ZC3H12B: variants seen among roughly 807,000 people sequenced by gnomAD.
The protein encoded by ZC3H12B is probable ribonuclease ZC3H12B.
In ZC3H12B, 7 loss-of-function variants were observed where a neutral mutation model predicts 43.9. The observed-to-expected ratio is 0.16, with a 90% confidence interval of 0.09 to 0.30. The LOEUF (loss-of-function observed/expected upper bound fraction) is 0.30, where lower values mean the gene tolerates loss of function less well. ZC3H12B is among the 10% of genes least tolerant of loss of function. The probability of loss-of-function intolerance (pLI) is 1.00; values close to 1 mark genes in which losing one functional copy is unlikely to be tolerated. For missense variants in ZC3H12B, 475 were observed against 670.2 expected (o/e 0.71, Z 3.22); for synonymous variants, 222 against 241.7 (o/e 0.92, Z 0.76).
chrX:65,222,463 G>A, the ZC3H12B span, among the ~76,000 whole-genome samples: 4 of 110,202 alleles, frequency 3.6e-5, no homozygotes, highest in African/African-American at 1.3e-4. Flanking sequence ...TATCCAAAAA[G>A]CTTCTAAAGC....
At chrX:65,407,621 G>T (rs1344651627) in intron 3 of ZC3H12B, among the ~76,000 whole-genome samples, 1 of 113,597 alleles carries the variant, frequency 8.8e-6, no homozygotes, top group African/African-American at 3.2e-5. Context: ...GGGAAAACCC[G>T]AAGAGGAGGC....
chrX:65,135,046 G>A, the ZC3H12B span, among the ~76,000 whole-genome samples: 2 of 110,906 alleles, frequency 1.8e-5, no homozygotes, highest in East Asian at 2.8e-4. Context: ...CCTGATATGC[G>A]CAGGTCACAG....
At chrX:65,205,815 G>A in the ZC3H12B span, among the ~76,000 whole-genome samples, 2 of 111,865 alleles carry the variant, frequency 1.8e-5, no homozygotes, top group South Asian at 3.7e-4. Context: ...AATGAATTCA[G>A]CAAAGTTTCT....
chrX:65,435,073 G>T (rs962955913), intron 3 of ZC3H12B, among the ~76,000 whole-genome samples: 1 of 111,974 alleles, frequency 8.9e-6, no homozygotes, highest in African/African-American at 3.2e-5. Context: ...AAGGTTGGGG[G>T]TTCATCTTTC....
chrX:65,137,055 T>A, the ZC3H12B span, among the ~76,000 whole-genome samples: 2 of 111,998 alleles, frequency 1.8e-5, no homozygotes, highest in Non-Finnish European at 3.8e-5. Context: ...TAAAACAACT[T>A]TACATTATTT....
chrX:65,338,522 G>T, the ZC3H12B span, among the ~76,000 whole-genome samples: 2 of 111,931 alleles, frequency 1.8e-5, no homozygotes, highest in Non-Finnish European at 3.8e-5. Flanking sequence ...TACAAAGCCA[G>T]AATTACACTG....
At chrX:65,169,992 G>T in the ZC3H12B span, among the ~76,000 whole-genome samples, 1 of 111,817 alleles carries the variant, frequency 8.9e-6, no homozygotes, top group South Asian at 3.7e-4. Flanking sequence ...TATCCAATTT[G>T]CCAGTCTGTG....
At chrX:65,057,375 T>C in the ZC3H12B span, among the ~76,000 whole-genome samples, 1 of 111,938 alleles carries the variant, frequency 8.9e-6, no homozygotes, top group Admixed American at 9.4e-5. Flanking sequence ...AATTCTGGGT[T>C]GAAAATTCTT....
At chrX:65,399,363 G>A (rs2066737990) in intron 3 of ZC3H12B, among the ~76,000 whole-genome samples, 1 of 112,127 alleles carries the variant, frequency 8.9e-6, no homozygotes, top group South Asian at 3.7e-4. Context: ...ATTTTAAAAT[G>A]GGTGAAAGTC....
At chrX:65,182,166 A>G in the ZC3H12B span, among the ~76,000 whole-genome samples, 1 of 111,535 alleles carries the variant, frequency 9.0e-6, no homozygotes, top group African/African-American at 3.3e-5. Context: ...AAAGCCAAAC[A>G]CTGCTCAGTC....
At chrX:65,165,329 G>A in the ZC3H12B span, among the ~76,000 whole-genome samples, 6 of 111,890 alleles carry the variant, frequency 5.4e-5, 1 homozygote, top group African/African-American at 1.9e-4. Flanking sequence ...TTGATACATA[G>A]GTATACATGT....
chrX:65,072,587 C>T, the ZC3H12B span, among the ~76,000 whole-genome samples: 4 of 111,561 alleles, frequency 3.6e-5, no homozygotes, highest in African/African-American at 1.3e-4. Context: ...ATTTGATGAC[C>T]TTGATAGTTT....
chrX:65,060,029 A>G, the ZC3H12B span, among the ~76,000 whole-genome samples: 2 of 112,323 alleles, frequency 1.8e-5, no homozygotes, highest in Non-Finnish European at 1.9e-5. Context: ...CACTGTTGCC[A>G]TATACACATG....
At chrX:65,286,250 T>A in the ZC3H12B span, among the ~76,000 whole-genome samples, 1 of 111,975 alleles carries the variant, frequency 8.9e-6, no homozygotes, top group African/African-American at 3.2e-5. Context: ...ATAATGAAAC[T>A]GTGTCCTTTG....
At chrX:65,062,225 G>A in the ZC3H12B span, among the ~76,000 whole-genome samples, 34 of 112,126 alleles carry the variant, frequency 3.0e-4, no homozygotes, top group Admixed American at 3.2e-3. Flanking sequence ...TATCCATGAA[G>A]CCTTTGCCCA....
chrX:65,393,535 T>G (rs1484835138), intron 2 of ZC3H12B, among the ~76,000 whole-genome samples: 2 of 111,479 alleles, frequency 1.8e-5, no homozygotes, highest in Non-Finnish European at 3.8e-5. Context: ...CACTTATGAG[T>G]GAGAACGTGC....
the ZC3H12B span, among the ~76,000 whole-genome samples, chrX:65,221,496 C>T: frequency 1.8e-5 from 2 of 111,111 alleles, no homozygotes; most frequent in Non-Finnish European, 3.8e-5. Context: ...CAATTAAATA[C>T]AAAATGGGAG....
the ZC3H12B span, among the ~76,000 whole-genome samples, chrX:65,116,147 T>C: frequency 9.0e-6 from 1 of 111,656 alleles, no homozygotes; most frequent in Non-Finnish European, 1.9e-5. Context: ...GAAGGGTTTT[T>C]CTGATGTTAT....
chrX:65,370,722 G>A (rs1178314669), intron 2 of ZC3H12B, among the ~76,000 whole-genome samples: 1 of 111,778 alleles, frequency 8.9e-6, no homozygotes, highest in Non-Finnish European at 1.9e-5. Flanking sequence ...TGAAAGAATT[G>A]CCTTCTAGGT....
Sources: gnomAD v4.1 joint callset for allele counts (sites outside exome capture counted in the v4.1 genomes callset) on GRCh38, gnomAD v4.1.1 for gene constraint, MANE v1.5 for transcripts, NCBI Gene and HGNC (gene_info 2026-07-23, HGNC 2026-07-21) for gene names.